The following GABRA3 variants were observed in gnomAD, a reference collection of about 807,000 sequenced individuals.
The protein encoded by GABRA3 is gamma-aminobutyric acid receptor subunit alpha-3.
In GABRA3, 10 loss-of-function variants were observed where a neutral mutation model predicts 30.1. The ratio of observed to expected loss-of-function variants is 0.33; its 90% CI spans 0.20 to 0.56. The LOEUF is 0.56. GABRA3 is among the 20% of genes least tolerant of loss of function. The pLI, the probability that GABRA3 is intolerant of heterozygous loss-of-function variation, is 0.89. For synonymous variants in GABRA3, 151 were observed against 146.8 expected, an observed-to-expected ratio of 1.03 and a Z score of -0.21; for missense variants, 233 against 392.0, an observed-to-expected ratio of 0.59 and a Z score of 3.42.
At chrX:152,210,030 T>C (rs934097876) in intron 6 of GABRA3, among the ~76,000 whole-genome samples, 1 of 112,814 alleles carries the variant, frequency 8.9e-6, no homozygotes, top group African/African-American at 3.2e-5. Flanking sequence ...ATGAAATATT[T>C]TGATGCCTAT....
chrX:152,239,895 C>T (rs1332848674), intron 5 of GABRA3, among the ~76,000 whole-genome samples: 4 of 101,783 alleles, frequency 3.9e-5, no homozygotes, highest in Admixed American at 1.0e-4. Context: ...TGTCTCTGCA[C>T]GTGAGATGGG....
Position 152,328,282 on chromosome X carries a change from T to A in GABRA3, c.262+17299A>T, listed in dbSNP as rs1034269926. On this transcript the variant is annotated intron_variant, in intron 3 of 9. Coordinates refer to ENST00000370314, the MANE Select transcript of GABRA3 (RefSeq NM_000808.4). ...TTCTAGCAGAGGTACAATGAGGAGC[T>A]GGTACCATTCCTTCTGAAACTATTC... Among the ~76,000 whole-genome samples, 3 of 111,700 alleles carry A rather than the reference T, an allele frequency of 2.7e-5. No homozygotes were observed. In the East Asian group the frequency reaches 8.4e-4, roughly 31 times the overall value.
chrX:152,379,344 A>G (rs1259610623), intron 1 of GABRA3, among the ~76,000 whole-genome samples: 1 of 111,668 alleles, frequency 9.0e-6, no homozygotes, highest in East Asian at 2.8e-4. Flanking sequence ...AAATTAAGAA[A>G]CACACTTCTA....
At chrX:152,356,547 T>G (rs887221551) in intron 2 of GABRA3, among the ~76,000 whole-genome samples, 3 of 111,954 alleles carry the variant, frequency 2.7e-5, no homozygotes, top group Non-Finnish European at 3.8e-5. Flanking sequence ...CTCTAATATT[T>G]GTGCTTTTTA....
intron 3 of GABRA3, among the ~76,000 whole-genome samples, chrX:152,339,075 T>A (rs1192376973): frequency 9.0e-6 from 1 of 111,011 alleles, no homozygotes; most frequent in East Asian, 2.8e-4. Context: ...AGAACGTCTT[T>A]GGTATATCGG....
rs191539965 is a variant in GABRA3 at position 152,411,446 on chromosome X, A to G, written c.-27+39700T>C. ...CAGTATATTTGAGCAGCGGAAAAAA[A>G]GAATCAATTGGGATTACTTTCTGTA... On this transcript the variant is annotated intron_variant, in intron 1 of 9. Coordinates refer to ENST00000370314, the MANE Select transcript of GABRA3 (RefSeq NM_000808.4). Among the ~76,000 whole-genome samples, 30 of 112,260 alleles carry G rather than the reference A, an allele frequency of 2.7e-4. 1 individual carries two copies. Among genetic ancestry groups the G allele is most frequent in the Admixed American group, 2.3e-3 (24 of 10,596 alleles).
intron 9 of GABRA3, among the ~76,000 whole-genome samples, chrX:152,186,647 C>T (rs1169041136): frequency 2.0e-5 from 2 of 101,422 alleles, no homozygotes; most frequent in African/African-American, 3.6e-5. Flanking sequence ...TATTTGACAG[C>T]GTCTTACTCT....
At chrX:152,366,926 A>T (rs1603248876) in intron 1 of GABRA3, among the ~76,000 whole-genome samples, 1 of 111,466 alleles carries the variant, frequency 9.0e-6, no homozygotes, top group South Asian at 3.8e-4. Context: ...CATGGTCAAA[A>T]ATTTTTCACT....
chrX:152,423,613 A>G (rs1221066740), intron 1 of GABRA3, among the ~76,000 whole-genome samples: 2 of 111,811 alleles, frequency 1.8e-5, no homozygotes, highest in Non-Finnish European at 3.8e-5. Context: ...TGAACTTGGG[A>G]AAGATGAAGA....
chrX:152,202,000 T>C (rs986088957), intron 7 of GABRA3, among the ~76,000 whole-genome samples: 7 of 112,443 alleles, frequency 6.2e-5, no homozygotes, highest in African/African-American at 2.3e-4. Flanking sequence ...ATCCAAACTA[T>C]CCTTTTAGAA....
intron 5 of GABRA3, among the ~76,000 whole-genome samples, chrX:152,232,734 G>C (rs1342861281): frequency 1.9e-5 from 2 of 107,877 alleles, no homozygotes; most frequent in African/African-American, 3.4e-5. Context: ...TGTACACTTA[G>C]GATGGTTCCA....
intron 1 of GABRA3, among the ~76,000 whole-genome samples, chrX:152,429,251 A>G (rs1439584931): frequency 3.6e-5 from 4 of 109,915 alleles, no homozygotes; most frequent in African/African-American, 1.3e-4. Flanking sequence ...TCTACCTCCA[A>G]TATACCTCTC....
At chrX:152,449,863 G>T (rs1480153565) in intron 1 of GABRA3, among the ~76,000 whole-genome samples, 2 of 111,930 alleles carry the variant, frequency 1.8e-5, no homozygotes. Context: ...TCAATTTTGT[G>T]AGTAAACCAA....
chrX:152,418,796 T>C (rs1346523591), intron 1 of GABRA3, among the ~76,000 whole-genome samples: 1 of 111,819 alleles, frequency 8.9e-6, no homozygotes, highest in Non-Finnish European at 1.9e-5. Context: ...ACTGGGTATA[T>C]ACCCAAAGGA....
intron 1 of GABRA3, among the ~76,000 whole-genome samples, chrX:152,367,563 C>T (rs1405153909): frequency 9.0e-6 from 1 of 111,399 alleles, no homozygotes; most frequent in South Asian, 3.8e-4. Context: ...CCAGATATTA[C>T]CTCGAATCCA....
intron 2 of GABRA3, among the ~76,000 whole-genome samples, chrX:152,361,962 T>C (rs972307781): frequency 8.9e-6 from 1 of 112,235 alleles, no homozygotes; most frequent in African/African-American, 3.2e-5. Context: ...AGAACCTTCA[T>C]CTTATTTAGA....
chrX:152,337,737 T>C (rs903115757), intron 3 of GABRA3, among the ~76,000 whole-genome samples: 5 of 111,693 alleles, frequency 4.5e-5, no homozygotes, highest in Admixed American at 1.9e-4. Flanking sequence ...GAAGATCCCG[T>C]GAGCCCAGGA....
At chrX:152,190,833 A>G (rs1456798262) in intron 8 of GABRA3, among the ~76,000 whole-genome samples, 2 of 107,761 alleles carry the variant, frequency 1.9e-5, no homozygotes, top group African/African-American at 6.7e-5. Context: ...TATATTTTAC[A>G]TTTTTTCTAA....
chrX:152,206,278 T>C (rs1480595442), intron 7 of GABRA3, among the ~76,000 whole-genome samples: 12 of 112,617 alleles, frequency 1.1e-4, no homozygotes, highest in African/African-American at 3.9e-4. Context: ...AGCCTCCTCC[T>C]GGGGCCCCCT....
Sources: gnomAD v4.1 joint callset for allele counts (sites outside exome capture counted in the v4.1 genomes callset) on GRCh38, gnomAD v4.1.1 for gene constraint, MANE v1.5 for transcripts, NCBI Gene and HGNC (gene_info 2026-07-23, HGNC 2026-07-21) for gene names.